MROH2B: variants seen among roughly 807,000 people sequenced by gnomAD.
MROH2B encodes the protein maestro heat like repeat family member 2B.
A neutral mutation model predicts 208.6 loss-of-function variants in MROH2B; 177 were observed. The observed-to-expected ratio is 0.85, with a 90% CI of 0.75 to 0.96. MROH2B has a LOEUF of 0.96. MROH2B is among the 40% of genes least tolerant of loss of function. The probability of loss-of-function intolerance (pLI) is 0.00; values close to 1 mark genes in which losing one functional copy is unlikely to be tolerated. For missense variants in MROH2B, 2,002 were observed against 1,878.7 expected, an observed-to-expected ratio of 1.07 and a Z score of -1.21; for synonymous variants, 728 against 659.0, an observed-to-expected ratio of 1.10 and a Z score of -1.60.
At chr5:41,047,791 C>G (rs748374554) in intron 16 of MROH2B, 27 bp from the exon 17 acceptor site, 1 of 1,561,254 alleles carries the variant, frequency 6.4e-7, no homozygotes, top group Non-Finnish European at 8.7e-7. Flanking sequence ...ATGTAATAAT[C>G]GCAAAAAAAC....
chr5:41,044,488 C>G (rs552207193), intron 18 of MROH2B, among the ~76,000 whole-genome samples: 1 of 152,282 alleles, frequency 6.6e-6, no homozygotes, highest in South Asian at 2.1e-4. Flanking sequence ...ATCTAGGCAG[C>G]TAATTACTGA....
At chr5:41,024,370 G>A (rs1047527510) in intron 24 of MROH2B, among the ~76,000 whole-genome samples, 8 of 152,130 alleles carry the variant, frequency 5.3e-5, no homozygotes, top group Admixed American at 5.2e-4. Context: ...ACAAAAAAAG[G>A]CAGGGGTTGC....
chr5:41,021,710 T>C (rs1394930953), intron 24 of MROH2B, among the ~76,000 whole-genome samples: 1 of 151,866 alleles, frequency 6.6e-6, no homozygotes, highest in Non-Finnish European at 1.5e-5. Context: ...AAACCATGTC[T>C]CTATAAAAAT....
At chr5:41,053,595 T>C (rs1181953581) in intron 11 of MROH2B, among the ~76,000 whole-genome samples, 1 of 152,172 alleles carries the variant, frequency 6.6e-6, no homozygotes, top group East Asian at 1.9e-4. Context: ...AGTTATATGG[T>C]GGCCAAAACA....
intron 24 of MROH2B, among the ~76,000 whole-genome samples, chr5:41,028,081 T>C (rs1579927529): frequency 6.6e-6 from 1 of 152,136 alleles, no homozygotes; most frequent in East Asian, 1.9e-4. Flanking sequence ...GAGATATACC[T>C]AATGTAAATG....
At chr5:41,057,006 T>C in intron 9 of MROH2B, 103 bp downstream of exon 9, 1 of 1,103,916 alleles carries the variant, frequency 9.1e-7, no homozygotes, top group Admixed American at 2.0e-5. Context: ...TGTGTTTGTG[T>C]GTGTGAAAGT....
At position 41,039,437 on chromosome 5, in the gene MROH2B, A is replaced by T. The variant is rs1334876891; in HGVS notation, c.2061+11T>A. ...CAATACTGAGAATTTGAAGGAGATG[A>T]TTCTTCTTACCTTACATCGATTCAT... On this transcript the variant is annotated intron_variant, in intron 20 of 41. Coordinates refer to ENST00000399564, the MANE Select transcript of MROH2B (RefSeq NM_173489.5). The T allele has an allele frequency of 6.6e-7, 1 of 1,506,208 alleles. No homozygotes were observed. Among genetic ancestry groups the T allele is most frequent in the Admixed American group, 1.9e-5 (1 of 52,736 alleles). The allele number at this position is 1,506,208 out of a possible 1,614,324, so 93.3% of individuals were successfully genotyped here.
chr5:41,009,811 G>T, intron 31 of MROH2B, 111 bp downstream of exon 31: 1 of 1,013,448 alleles, frequency 9.9e-7, no homozygotes, highest in Non-Finnish European at 1.4e-6. Context: ...TTATTCAGAT[G>T]AGCTATTTTC....
chr5:41,065,327 A>G lies in MROH2B; in HGVS notation c.361+4T>C. 6.2e-7 allele frequency: 1 copy of G among 1,609,484 alleles called. No homozygotes were observed. The highest frequency in any genetic ancestry group is 8.5e-7 in the Non-Finnish European group (1 of 1,177,970). The stretch of plus-strand genomic sequence containing the variant: ...GGGAAAATTGGAGAATATTCCCGCT[A>G]TACCATAGCTGGTTGCCAATTCAGC... On this transcript the variant is annotated splice_donor_region_variant and intron_variant, in intron 4 of 41. Coordinates refer to ENST00000399564, the MANE Select transcript of MROH2B (RefSeq NM_173489.5).
At chr5:41,016,904 G>A (rs13361985) in intron 28 of MROH2B, among the ~76,000 whole-genome samples, 58,285 of 150,832 alleles carry the variant, frequency 0.39, 11,602 homozygotes, top group Non-Finnish European at 0.44. Context: ...TGACTCTGCT[G>A]AAGAGTTTTT....
chr5:41,038,151 A>G (rs1057356536), intron 21 of MROH2B, among the ~76,000 whole-genome samples: 1 of 152,216 alleles, frequency 6.6e-6, no homozygotes, highest in African/African-American at 2.4e-5. Flanking sequence ...TAAAATATGT[A>G]TATGACACTT....
chr5:41,060,937 A>G (rs533706798), intron 6 of MROH2B, among the ~76,000 whole-genome samples: 2 of 152,352 alleles, frequency 1.3e-5, no homozygotes, highest in African/African-American at 2.4e-5. Context: ...TAATAAAGCA[A>G]TGAAGAGACC....
chr5:41,013,679 T>A (rs1741845694), intron 29 of MROH2B, among the ~76,000 whole-genome samples: 1 of 152,152 alleles, frequency 6.6e-6, no homozygotes, highest in Non-Finnish European at 1.5e-5. Context: ...TGCTTGCCGG[T>A]TGTCCAAGCT....
chr5:41,034,350 A>G (rs1742682862), intron 21 of MROH2B, among the ~76,000 whole-genome samples: 1 of 152,136 alleles, frequency 6.6e-6, no homozygotes, highest in Non-Finnish European at 1.5e-5. Context: ...TACTTTTAGT[A>G]CATGCTGAAT....
chr5:41,028,084 T>A (rs918214713), intron 24 of MROH2B, among the ~76,000 whole-genome samples: 1 of 152,164 alleles, frequency 6.6e-6, no homozygotes, highest in African/African-American at 2.4e-5. Context: ...ATATACCTAA[T>A]GTAAATGTCG....
Position 41,000,781 on chromosome 5 carries a change from G to A in MROH2B, c.4247C>T (p.Pro1416Leu). 1 of 1,611,494 alleles carries A rather than the reference G, an allele frequency of 6.2e-7. No homozygotes were observed. The highest frequency in any genetic ancestry group is 2.2e-5 in the East Asian group (1 of 44,808). ...TAIFLFEDLA[P>L]LTGRRWKIFF... Reference sequence around the variant, plus strand: ...AATCTTCCACCTTCTTCCTGTTAGGGGTGCCAGGTCCTCAAATAAGAAGAT... The same window carrying A: ...AATCTTCCACCTTCTTCCTGTTAGGAGTGCCAGGTCCTCAAATAAGAAGAT... Residue 1416 changes from proline to leucine, a missense_variant, in exon 38 of 42, where the codon CCC (proline) becomes CTC (leucine). Transcript: ENST00000399564.
intron 27 of MROH2B, 98 bp from the exon 28 acceptor site, chr5:41,018,068 C>T: frequency 1.4e-6 from 2 of 1,431,242 alleles, no homozygotes; most frequent in Non-Finnish European, 1.9e-6. Context: ...TTTCTCTCTG[C>T]AGGTCCTTAG....
chr5:41,026,614 A>G (rs958850804), intron 24 of MROH2B, among the ~76,000 whole-genome samples: 1 of 152,206 alleles, frequency 6.6e-6, no homozygotes, highest in African/African-American at 2.4e-5. Context: ...ATACTGCCCA[A>G]GGTAATTTAT....
chr5:41,030,563 A>T (rs913513236), intron 24 of MROH2B, among the ~76,000 whole-genome samples: 1 of 152,110 alleles, frequency 6.6e-6, no homozygotes, highest in Non-Finnish European at 1.5e-5. Context: ...CAATATACAT[A>T]TTCAATGCAA....
Sources: gnomAD v4.1 joint callset for allele counts (sites outside exome capture counted in the v4.1 genomes callset) on GRCh38, gnomAD v4.1.1 for gene constraint, MANE v1.5 for transcripts, NCBI Gene and HGNC (gene_info 2026-07-23, HGNC 2026-07-21) for gene names.